Variants in KCNH7 observed in about 807,000 individuals in gnomAD.
KCNH7 encodes the protein potassium voltage-gated channel subfamily H member 7.
KCNH7 carries 49 observed loss-of-function variants against 120.8 expected under a neutral mutation model. That is an observed-to-expected ratio of 0.41 (90% CI 0.32 to 0.51). KCNH7 has a LOEUF of 0.51. Ranked by LOEUF, KCNH7 falls within the 20% of genes least tolerant of loss-of-function variation. The pLI, the probability that KCNH7 is intolerant of heterozygous loss-of-function variation, is 0.38. For missense variants in KCNH7, 1,097 were observed against 1,446.6 expected (o/e 0.76, Z 3.92); for synonymous variants, 547 against 516.1 (o/e 1.06, Z -0.81).
chr2:162,665,189 C>T (rs907089352), intron 2 of KCNH7, among the ~76,000 whole-genome samples: 2 of 152,212 alleles, frequency 1.3e-5, no homozygotes, highest in East Asian at 1.9e-4. Context: ...TGTAAGAACA[C>T]AGATGATTTA....
At chr2:162,690,940 C>A (rs903161627) in intron 2 of KCNH7, among the ~76,000 whole-genome samples, 7 of 152,124 alleles carry the variant, frequency 4.6e-5, no homozygotes, top group Non-Finnish European at 8.8e-5. Flanking sequence ...CAGGTCAGTT[C>A]CAATTATCTT....
chr2:162,421,117 A>C (rs953263420), intron 9 of KCNH7, among the ~76,000 whole-genome samples: 1 of 152,136 alleles, frequency 6.6e-6, no homozygotes, highest in African/African-American at 2.4e-5. Flanking sequence ...GACACTGTAC[A>C]CAAACAAGAA....
intron 2 of KCNH7, among the ~76,000 whole-genome samples, chr2:162,717,289 G>C (rs957119828): frequency 7.9e-5 from 12 of 152,078 alleles, no homozygotes; most frequent in African/African-American, 2.2e-4. Flanking sequence ...CATTACTACT[G>C]CTTTCCCCAT....
In KCNH7 at chr2:162,371,444, G is replaced by A; in HGVS notation, c.*385C>T. Reference sequence around the variant, plus strand: ...TCATCTGAATTTGAGTTGCATCCATGAACAGTTTTATCCCTTGGTTTCTTA... The same window carrying A: ...TCATCTGAATTTGAGTTGCATCCATAAACAGTTTTATCCCTTGGTTTCTTA... On this transcript the variant is annotated 3_prime_UTR_variant, in exon 16 of 16. Coordinates refer to ENST00000332142, the MANE Select transcript of KCNH7 (RefSeq NM_033272.4). The A allele has an allele frequency of 3.1e-6, 4 of 1,287,432 alleles. No individual in the cohort carries two copies. In the South Asian group the frequency reaches 5.0e-5, roughly 16 times the overall value. The allele number at this position is 1,287,432 out of a possible 1,614,324, so 79.8% of individuals were successfully genotyped here.
intron 2 of KCNH7, among the ~76,000 whole-genome samples, chr2:162,694,409 G>GC (rs1686217241): frequency 6.6e-6 from 1 of 152,024 alleles, no homozygotes. Flanking sequence ...CAGGCAGTGG[G>GC]CATTCATAGA....
chr2:162,429,545 T>C (rs1175653919), intron 8 of KCNH7, among the ~76,000 whole-genome samples: 2 of 151,712 alleles, frequency 1.3e-5, no homozygotes. Flanking sequence ...TTTGTCATTT[T>C]TGAAGAGTAG....
At position 162,806,820 on chromosome 2, in the gene KCNH7, T is replaced by G. The variant is rs191417120; in HGVS notation, c.307+29717A>C. Among the ~76,000 whole-genome samples the G allele has an allele frequency of 4.6e-4, 70 of 152,238 alleles. 1 individual carries two copies. The highest frequency in any genetic ancestry group is 4.4e-3 in the Admixed American group (68 of 15,292). ...GTGATTTTTTGTTTTTGTTTTTGTT[T>G]TTTTATTAGGTCAAATGGAATTTTT... is the stretch of plus-strand genomic sequence containing the variant. On this transcript the variant is annotated intron_variant, in intron 2 of 15. Transcript: ENST00000332142.
intron 9 of KCNH7, among the ~76,000 whole-genome samples, chr2:162,416,215 A>G (rs576766811): frequency 5.1e-4 from 77 of 152,126 alleles, no homozygotes; most frequent in Non-Finnish European, 1.0e-3. Flanking sequence ...TCTACTAAAA[A>G]TACAAAAATT....
At chr2:162,500,945 G>A (rs950081008) in intron 6 of KCNH7, among the ~76,000 whole-genome samples, 1 of 152,032 alleles carries the variant, frequency 6.6e-6, no homozygotes, top group African/African-American at 2.4e-5. Flanking sequence ...GCTGCAATTA[G>A]GAAACTTCAC....
At chr2:162,630,727 A>C (rs1469166288) in intron 2 of KCNH7, among the ~76,000 whole-genome samples, 2 of 152,122 alleles carry the variant, frequency 1.3e-5, no homozygotes, top group Non-Finnish European at 2.9e-5. Context: ...CATTAAATAT[A>C]CTCTAAGCAG....
chr2:162,386,267 G>A (rs1686568455), intron 12 of KCNH7, among the ~76,000 whole-genome samples: 1 of 151,812 alleles, frequency 6.6e-6, no homozygotes, highest in African/African-American at 2.4e-5. Flanking sequence ...TCTCTTCAGT[G>A]TCATTGGCAC....
intron 2 of KCNH7, among the ~76,000 whole-genome samples, chr2:162,674,965 T>G (rs574582605): frequency 6.6e-6 from 1 of 151,612 alleles, no homozygotes; most frequent in African/African-American, 2.4e-5. Flanking sequence ...ATGATTCTTA[T>G]AATACACACC....
At chr2:162,469,842 G>C (rs1379561822) in intron 6 of KCNH7, among the ~76,000 whole-genome samples, 1 of 152,112 alleles carries the variant, frequency 6.6e-6, no homozygotes, top group Non-Finnish European at 1.5e-5. Flanking sequence ...GAGTGCCTGC[G>C]ATTGCAGGCG....
chr2:162,590,524 G>A (rs1295651519), intron 2 of KCNH7, among the ~76,000 whole-genome samples: 1 of 152,060 alleles, frequency 6.6e-6, no homozygotes, highest in Non-Finnish European at 1.5e-5. Flanking sequence ...TATCACAGGG[G>A]ACCTAGACCC....
At chr2:162,429,865 T>C (rs1325923762) in intron 8 of KCNH7, among the ~76,000 whole-genome samples, 2 of 151,832 alleles carry the variant, frequency 1.3e-5, no homozygotes, top group East Asian at 3.9e-4. Flanking sequence ...ATTTCTATCA[T>C]TAAAAAAACA....
intron 2 of KCNH7, among the ~76,000 whole-genome samples, chr2:162,822,994 T>A (rs934944201): frequency 6.6e-6 from 1 of 152,182 alleles, no homozygotes; most frequent in Admixed American, 6.5e-5. Flanking sequence ...ACACTTTGCA[T>A]CAAGGGGAGA....
chr2:162,424,475 A>G (rs1687797423), intron 8 of KCNH7, among the ~76,000 whole-genome samples: 1 of 152,234 alleles, frequency 6.6e-6, no homozygotes, highest in Non-Finnish European at 1.5e-5. Context: ...TTGGGCATCT[A>G]TCAGAAACTG....
At chr2:162,733,936 A>G (rs768715408) in intron 2 of KCNH7, among the ~76,000 whole-genome samples, 1 of 152,186 alleles carries the variant, frequency 6.6e-6, no homozygotes, top group Non-Finnish European at 1.5e-5. Flanking sequence ...TATTTTTCAT[A>G]CTTTACCTCA....
chr2:162,460,869 T>G (rs1260148274), intron 6 of KCNH7, among the ~76,000 whole-genome samples: 1 of 152,244 alleles, frequency 6.6e-6, no homozygotes, highest in Non-Finnish European at 1.5e-5. Flanking sequence ...CTATAGGGCC[T>G]GTGTCCTTAT....
Sources: gnomAD v4.1 joint callset for allele counts (sites outside exome capture counted in the v4.1 genomes callset) on GRCh38, gnomAD v4.1.1 for gene constraint, MANE v1.5 for transcripts, NCBI Gene and HGNC (gene_info 2026-07-23, HGNC 2026-07-21) for gene names.